Variants in PLCG2 observed in about 807,000 individuals in gnomAD.
PLCG2 encodes the protein 1-phosphatidylinositol 4,5-bisphosphate phosphodiesterase gamma-2.
In PLCG2, 69 loss-of-function variants were observed where a neutral mutation model predicts 175.6. The ratio of observed to expected loss-of-function variants is 0.39; its 90% CI spans 0.32 to 0.48. The LOEUF is 0.48. Ranked by LOEUF, PLCG2 falls within the 20% of genes least tolerant of loss-of-function variation. The pLI, the probability that PLCG2 is intolerant of heterozygous loss-of-function variation, is 0.91. For synonymous variants in PLCG2, 827 were observed against 624.0 expected, an observed-to-expected ratio of 1.33 and a Z score of -4.85; for missense variants, 1,798 against 1,650.9, an observed-to-expected ratio of 1.09 and a Z score of -1.54.
intron 2 of PLCG2, among the ~76,000 whole-genome samples, chr16:81,834,699 G>A (rs1905423698): frequency 6.6e-6 from 1 of 152,186 alleles, no homozygotes; most frequent in Non-Finnish European, 1.5e-5. Context: ...GGTGAGATCT[G>A]AGCAGGGTGG....
At chr16:81,898,441 A>C (rs767495302) in intron 13 of PLCG2, 2 of 152,252 alleles carry the variant, frequency 1.3e-5, no homozygotes, top group Non-Finnish European at 2.9e-5. Context: ...GGGTGTGTGG[A>C]TCAGGATCGG....
intron 2 of PLCG2, among the ~76,000 whole-genome samples, chr16:81,809,554 A>C (rs1904300165): frequency 2.0e-5 from 3 of 152,126 alleles, no homozygotes; most frequent in Admixed American, 1.3e-4. Flanking sequence ...TTGTATGTAC[A>C]TCCTTGCCTC....
chr16:81,836,915 G>A (rs1597346394), intron 2 of PLCG2, among the ~76,000 whole-genome samples: 2 of 152,204 alleles, frequency 1.3e-5, no homozygotes, highest in East Asian at 1.9e-4. Context: ...TGTGCACACG[G>A]GCATGTACTC....
chr16:81,865,426 C>G (rs1366747276), intron 5 of PLCG2, among the ~76,000 whole-genome samples: 6 of 152,148 alleles, frequency 3.9e-5, no homozygotes, highest in African/African-American at 1.4e-4. Context: ...TGTCCCAGAG[C>G]TAGGAGCCCA....
In PLCG2 at chr16:81,860,178, T is replaced by TA. The variant is rs1285440736; in HGVS notation, c.479+1015_479+1016insA. ...TATTATTATTATTATTATTATTTTT[T>TA]TTTTTTTTTGTAAAGGTGAAGTCTT... On this transcript the variant is annotated intron_variant, in intron 5 of 32. Transcript: ENST00000564138. Among the ~76,000 whole-genome samples the TA allele has an allele frequency of 2.6e-3, 295 of 113,864 alleles. 1 individual carries two copies. Among genetic ancestry groups the TA allele is most frequent in the Middle Eastern group, 5.2e-3 (1 of 194 alleles). The allele number at this position is 113,864 out of a possible 152,430, so 74.7% of individuals were successfully genotyped here.
intron 7 of PLCG2, among the ~76,000 whole-genome samples, chr16:81,875,320 C>G (rs1341460574): frequency 6.6e-6 from 1 of 151,980 alleles, no homozygotes; most frequent in Non-Finnish European, 1.5e-5. Flanking sequence ...GCAAGAGCTA[C>G]TGTTGTTATT....
chr16:81,764,188 G>A (rs1237752552), intron 2 of PLCG2, among the ~76,000 whole-genome samples: 2 of 152,044 alleles, frequency 1.3e-5, no homozygotes, highest in South Asian at 2.1e-4. Flanking sequence ...TAGCTACTCC[G>A]GAGGCTGAGT....
At chr16:81,942,053 C>G (rs888812277) in intron 30 of PLCG2, among the ~76,000 whole-genome samples, 7 of 152,102 alleles carry the variant, frequency 4.6e-5, no homozygotes, top group Non-Finnish European at 7.4e-5. Context: ...TTTTGGTACA[C>G]CTTTACGTTC....
At chr16:81,916,302 AAAAC>A (rs985175966) in intron 19 of PLCG2, among the ~76,000 whole-genome samples, 30 of 152,066 alleles carry the variant, frequency 2.0e-4, no homozygotes, top group Admixed American at 1.8e-3. Context: ...AAAAAGAAAA[AAAAC>A]AACGTTTTTT....
intron 13 of PLCG2, among the ~76,000 whole-genome samples, chr16:81,899,558 G>A (rs1359981504): frequency 2.6e-5 from 4 of 152,102 alleles, no homozygotes; most frequent in Admixed American, 1.3e-4. Context: ...GCAAAGCAGC[G>A]CTCCCCTTCC....
intron 2 of PLCG2, among the ~76,000 whole-genome samples, chr16:81,817,080 A>C (rs1904585531): frequency 6.6e-6 from 1 of 152,166 alleles, no homozygotes. Flanking sequence ...TGAGTTTTGA[A>C]GGCTGGTGGG....
intron 2 of PLCG2, among the ~76,000 whole-genome samples, chr16:81,832,984 G>T (rs139139807): frequency 6.6e-6 from 1 of 152,324 alleles, no homozygotes; most frequent in Non-Finnish European, 1.5e-5. Flanking sequence ...AGTAACTGAG[G>T]GAAACAAGTC....
intron 2 of PLCG2, among the ~76,000 whole-genome samples, chr16:81,828,982 G>A (rs939873232): frequency 6.6e-6 from 1 of 152,194 alleles, no homozygotes; most frequent in African/African-American, 2.4e-5. Context: ...CTCAAACATT[G>A]CTAGTCTCAG....
At position 81,961,941 on chromosome 16, in the gene PLCG2, C is replaced by T. The variant is rs756575411; in HGVS notation, c.*3943C>T. 4.6e-5 allele frequency: 9 copies of T among 197,152 alleles called. No individual in the cohort carries two copies. The highest frequency in any genetic ancestry group is 7.4e-5 in the Non-Finnish European group (7 of 94,566). The allele number at this position is 197,152 out of a possible 1,614,324, so 12.2% of individuals were successfully genotyped here. A position where few individuals can be genotyped will look rare whatever the true frequency, so the allele number is the denominator to read the frequency against. ...ATTGCTGATCGGATGTGAGGGCGATCTGGCTGCGACATCTGTCACCCCATT... is the reference window on the plus strand; with the variant it reads ...ATTGCTGATCGGATGTGAGGGCGATTTGGCTGCGACATCTGTCACCCCATT... On this transcript the variant is annotated 3_prime_UTR_variant, in exon 33 of 33. Coordinates refer to ENST00000564138, the MANE Select transcript of PLCG2 (RefSeq NM_002661.5).
At position 81,794,548 on chromosome 16, in the gene PLCG2, T is replaced by G. The variant is rs1201298633; in HGVS notation, c.193+8366T>G. 3.9e-5 allele frequency among the ~76,000 whole-genome samples: 6 copies of G among 152,166 alleles called. No homozygotes were observed. The East Asian group carries it at 1.2e-3, about 29-fold the overall frequency. ...AAGAAGGGCTGTCAAATCCTGGTCC[T>G]GCACTTGGTAGGGGTGTGACCTTGG... On this transcript the variant is annotated intron_variant, in intron 2 of 32. Coordinates refer to ENST00000564138, the MANE Select transcript of PLCG2 (RefSeq NM_002661.5).
At chr16:81,787,422 G>A (rs1332144489) in intron 2 of PLCG2, among the ~76,000 whole-genome samples, 1 of 41,724 alleles carries the variant, frequency 2.4e-5, no homozygotes, top group Non-Finnish European at 5.9e-5. Context: ...GTAGAGATGG[G>A]ATCTCACTAT....
At chr16:81,923,274 C>G (rs1910130950) in intron 21 of PLCG2, 3 of 517,634 alleles carry the variant, frequency 5.8e-6, no homozygotes, top group Non-Finnish European at 1.0e-5. Flanking sequence ...ACCCTTGGCT[C>G]TGACTAGGCC....
chr16:81,860,172 A>ATTATTATTATTATTATTTTTT (rs763047744), intron 5 of PLCG2, among the ~76,000 whole-genome samples: 1 of 120,612 alleles, frequency 8.3e-6, no homozygotes, highest in Non-Finnish European at 1.7e-5. Flanking sequence ...TATTATTATT[A>ATTATTATTATTATTATTTTTT]TTTTTTTTTT....
At chr16:81,941,765 C>A (rs999432497) in intron 30 of PLCG2, among the ~76,000 whole-genome samples, 6 of 150,784 alleles carry the variant, frequency 4.0e-5, no homozygotes, top group Non-Finnish European at 7.4e-5. Context: ...TGGGTGATCT[C>A]GGCTCACTGT....
Sources: gnomAD v4.1 joint callset for allele counts (sites outside exome capture counted in the v4.1 genomes callset) on GRCh38, gnomAD v4.1.1 for gene constraint, MANE v1.5 for transcripts, NCBI Gene and HGNC (gene_info 2026-07-23, HGNC 2026-07-21) for gene names.